UBE2L3: variants seen among roughly 807,000 people sequenced by gnomAD.
UBE2L3 encodes ubiquitin conjugating enzyme E2 L3, also known as ubiquitin-conjugating enzyme E2 L3.
Under a neutral mutation model 17.8 loss-of-function variants are expected in UBE2L3, and 1 was observed. The observed-to-expected ratio is 0.06, with a 90% CI of 0.02 to 0.27. The LOEUF (loss-of-function observed/expected upper bound fraction) is 0.27, where lower values mean the gene tolerates loss of function less well. UBE2L3 is among the 10% of genes least tolerant of loss of function. The pLI, the probability that UBE2L3 is intolerant of heterozygous loss-of-function variation, is 1.00. For missense variants in UBE2L3, 40 were observed against 192.6 expected, an observed-to-expected ratio of 0.21 and a Z score of 4.69; for synonymous variants, 44 against 68.5, an observed-to-expected ratio of 0.64 and a Z score of 1.76.
At chr22:21,598,922 C>T (rs1172334841) in intron 2 of UBE2L3, among the ~76,000 whole-genome samples, 1 of 151,902 alleles carries the variant, frequency 6.6e-6, no homozygotes, top group Non-Finnish European at 1.5e-5. Context: ...CTCACTACAG[C>T]CTCTACCTCC....
At chr22:21,612,162 A>G (rs1929513229) in intron 3 of UBE2L3, among the ~76,000 whole-genome samples, 1 of 152,196 alleles carries the variant, frequency 6.6e-6, no homozygotes, top group Non-Finnish European at 1.5e-5. Context: ...AGTAATCACC[A>G]TGAAAGGTGC....
At chr22:21,614,640 CT>C in intron 3 of UBE2L3, 1 of 1,366,424 alleles carries the variant, frequency 7.3e-7, no homozygotes. Flanking sequence ...CTGTAGCTGA[CT>C]TTAGCCACCC....
chr22:21,589,212 C>G (rs572373877), intron 1 of UBE2L3, among the ~76,000 whole-genome samples: 2 of 140,802 alleles, frequency 1.4e-5, no homozygotes, highest in Non-Finnish European at 3.0e-5. Flanking sequence ...GTGGCGCAAT[C>G]TTGGCTGACT....
At chr22:21,612,986 C>T (rs1004621727) in intron 3 of UBE2L3, among the ~76,000 whole-genome samples, 1 of 152,140 alleles carries the variant, frequency 6.6e-6, no homozygotes, top group South Asian at 2.1e-4. Flanking sequence ...AAACCTATAG[C>T]TGCATTTGAT....
chr22:21,618,114 G>A (rs1929867832), intron 3 of UBE2L3, among the ~76,000 whole-genome samples: 1 of 152,132 alleles, frequency 6.6e-6, no homozygotes, highest in Admixed American at 6.6e-5. Context: ...CCAGGAGGTG[G>A]AGGTTTCAGT....
chr22:21,577,542 C>T (rs1015506369), intron 1 of UBE2L3, among the ~76,000 whole-genome samples: 2 of 152,166 alleles, frequency 1.3e-5, no homozygotes, highest in Non-Finnish European at 2.9e-5. Flanking sequence ...AAGCAGACAC[C>T]AGTGGCCTCT....
chr22:21,619,229 TTAAA>T lies in UBE2L3; in HGVS notation c.311-2272_311-2269del, dbSNP rs570306920. Among the ~76,000 whole-genome samples, 490 of 152,264 alleles carry T rather than the reference TTAAA, an allele frequency of 3.2e-3. 6 individuals are homozygous for T. Among genetic ancestry groups the T allele is most frequent in the African/African-American group, 0.011 (468 of 41,550 alleles). On this transcript the variant is annotated intron_variant, in intron 3 of 3. Transcript: ENST00000342192. ...GTCAGCCAAGGGTGGGCTTCGTTTA[TTAAA>T]TAAATAAATAAATGTTTATTAAATA...
At chr22:21,567,873 C>T (rs772739662) in intron 1 of UBE2L3, 102 bp downstream of exon 1, 112 of 1,544,450 alleles carry the variant, frequency 7.3e-5, no homozygotes, top group Non-Finnish European at 9.6e-5. Context: ...GTCTGGCTTC[C>T]TGCCCTACAC....
intron 1 of UBE2L3, among the ~76,000 whole-genome samples, chr22:21,554,535 C>T (rs1177619485): frequency 1.1e-5 from 1 of 90,106 alleles, no homozygotes; most frequent in African/African-American, 5.9e-5. Context: ...TCCCTGTTCT[C>T]ATCATGTTGT....
Position 21,621,405 on chromosome 22 carries a change from A to C in UBE2L3, c.311-110A>C, listed in dbSNP as rs559645030. The C allele has an allele frequency of 8.2e-5, 110 of 1,347,744 alleles. No homozygotes were observed. In the African/African-American group the frequency reaches 1.4e-3, roughly 18 times the overall value. The allele number at this position is 1,347,744 out of a possible 1,614,324, so 83.5% of individuals were successfully genotyped here. On this transcript the variant is annotated intron_variant, in intron 3 of 3. Coordinates refer to ENST00000342192, the MANE Select transcript of UBE2L3 (RefSeq NM_003347.4). ...GGCAGCTTTGGCTTAAAAGCACATT[A>C]GCTGTAAATCAGTTGTAAAGCCAGA...
chr22:21,575,455 G>A (rs1362388071), intron 1 of UBE2L3, among the ~76,000 whole-genome samples: 1 of 145,626 alleles, frequency 6.9e-6, no homozygotes, highest in East Asian at 2.1e-4. Context: ...CGAGTGTGGT[G>A]GTGCATGCCT....
intron 3 of UBE2L3, among the ~76,000 whole-genome samples, chr22:21,620,190 G>A (rs1353092122): frequency 6.6e-6 from 1 of 152,054 alleles, no homozygotes; most frequent in Non-Finnish European, 1.5e-5. Flanking sequence ...TCAAGGCCAA[G>A]GTGGGAGGAT....
intron 1 of UBE2L3, among the ~76,000 whole-genome samples, chr22:21,591,686 TAGGG>T (rs1313399846): frequency 6.6e-6 from 1 of 151,964 alleles, no homozygotes; most frequent in East Asian, 1.9e-4. Context: ...TGGGGGCTGA[TAGGG>T]AGCCCCCAAG....
intron 1 of UBE2L3, among the ~76,000 whole-genome samples, chr22:21,582,423 G>A (rs1927694871): frequency 6.6e-6 from 1 of 150,760 alleles, no homozygotes; most frequent in African/African-American, 2.4e-5. Flanking sequence ...GTGCAATCTC[G>A]GTCTACTGCA....
intron 1 of UBE2L3, among the ~76,000 whole-genome samples, chr22:21,592,342 A>C (rs1464691836): frequency 6.6e-6 from 1 of 152,106 alleles, no homozygotes; most frequent in Admixed American, 6.6e-5. Context: ...TCCTTCTGAA[A>C]TCACACTTAT....
intron 2 of UBE2L3, among the ~76,000 whole-genome samples, chr22:21,606,732 C>T (rs1016178017): frequency 6.6e-6 from 1 of 152,056 alleles, no homozygotes; most frequent in Admixed American, 6.6e-5. Context: ...GCCTGTAGTC[C>T]CAGCTACTTG....
intron 2 of UBE2L3, among the ~76,000 whole-genome samples, chr22:21,598,211 T>TGTGTGTGTGTGTGTG (rs1555885650): frequency 1.0e-5 from 1 of 98,114 alleles, no homozygotes; most frequent in African/African-American, 3.1e-5. Flanking sequence ...GTGTGTGTGT[T>TGTGTGTGTGTGTGTG]TTTCATTTAT....
At chr22:21,616,415 C>A (rs1421512670) in intron 3 of UBE2L3, among the ~76,000 whole-genome samples, 1 of 151,976 alleles carries the variant, frequency 6.6e-6, no homozygotes, top group African/African-American at 2.4e-5. Context: ...CTTTGGGAGG[C>A]CGAGGTGGGC....
intron 1 of UBE2L3, among the ~76,000 whole-genome samples, chr22:21,558,770 A>G (rs1395016445): frequency 6.6e-6 from 1 of 152,122 alleles, no homozygotes; most frequent in Non-Finnish European, 1.5e-5. Flanking sequence ...GATTACAGGC[A>G]TGAGCCACCA....
Sources: allele counts gnomAD v4.1 joint callset (sites outside exome capture counted in the v4.1 genomes callset), GRCh38; gene constraint gnomAD v4.1.1; transcripts MANE v1.5; gene names NCBI Gene and HGNC (gene_info 2026-07-23, HGNC 2026-07-21).